The following TEX2 variants were observed in gnomAD, a reference collection of about 807,000 sequenced individuals.
TEX2 encodes testis expressed 2, also known as testis-expressed protein 2.
A neutral mutation model predicts 106.9 loss-of-function variants in TEX2; 53 were observed. The observed-to-expected ratio is 0.50, with a 90% CI of 0.40 to 0.62. The LOEUF is 0.62. Among genes scored for constraint, TEX2 ranks in the 20% least tolerant of loss-of-function variants. TEX2 has a pLI of 0.00. For synonymous variants in TEX2, 523 were observed against 534.8 expected (o/e 0.98, Z 0.30); for missense variants, 1,207 against 1,379.0 (o/e 0.88, Z 1.98).
At chr17:64,172,731 G>T (rs944604052) in intron 6 of TEX2, among the ~76,000 whole-genome samples, 3 of 152,016 alleles carry the variant, frequency 2.0e-5, no homozygotes, top group African/African-American at 7.2e-5. Context: ...TTCTCCATCT[G>T]CCCACACCTT....
intron 6 of TEX2, among the ~76,000 whole-genome samples, chr17:64,175,422 A>T (rs2031579678): frequency 6.6e-6 from 1 of 152,194 alleles, no homozygotes. Context: ...TAAGTCTGTG[A>T]ACTACCAGTG....
chr17:64,257,682 T>C (rs2034208719), intron 1 of TEX2, among the ~76,000 whole-genome samples: 1 of 152,210 alleles, frequency 6.6e-6, no homozygotes. Context: ...ATTACAGTTC[T>C]TGTGTTCAAG....
At chr17:64,211,363 T>C (rs1555631528) in intron 2 of TEX2, among the ~76,000 whole-genome samples, 1 of 152,186 alleles carries the variant, frequency 6.6e-6, no homozygotes, top group African/African-American at 2.4e-5. Flanking sequence ...TCCTGGATGG[T>C]TATGAAGCTG....
chr17:64,184,210 T>C (rs1338368967), intron 5 of TEX2, among the ~76,000 whole-genome samples: 1 of 152,158 alleles, frequency 6.6e-6, no homozygotes, highest in African/African-American at 2.4e-5. Flanking sequence ...GCAATTCTGA[T>C]TCAGCCTTCT....
chr17:64,193,944 T>C, intron 3 of TEX2, 55 bp from the exon 4 acceptor site: 1 of 1,308,358 alleles, frequency 7.6e-7, no homozygotes, highest in Non-Finnish European at 1.0e-6. Flanking sequence ...ACACTATGCA[T>C]TAATATTATG....
intron 7 of TEX2, 152 bp downstream of exon 7, chr17:64,170,948 A>G (rs1328087295): frequency 1.4e-5 from 9 of 651,842 alleles, no homozygotes; most frequent in Non-Finnish European, 2.3e-5. Context: ...AATCAGTTTT[A>G]AGGCCATGAC....
chr17:64,151,181 T>C (rs1332942852), intron 10 of TEX2, among the ~76,000 whole-genome samples: 1 of 152,212 alleles, frequency 6.6e-6, no homozygotes, highest in African/African-American at 2.4e-5. Context: ...AGAACAGTTC[T>C]GACAAACTGA....
chr17:64,164,923 T>C (rs1301533758), intron 7 of TEX2, among the ~76,000 whole-genome samples: 1 of 152,256 alleles, frequency 6.6e-6, no homozygotes, highest in Non-Finnish European at 1.5e-5. Flanking sequence ...AGCAGTTCAC[T>C]GTTTTATTAC....
chr17:64,177,530 C>T lies in TEX2; in HGVS notation c.2425-59G>A, dbSNP rs144337145. On this transcript the variant is annotated intron_variant, in intron 5 of 11. Coordinates refer to ENST00000584379, the MANE Select transcript of TEX2 (RefSeq NM_001288732.2). ...AAGCAACTGGAGAATAAGACAGGTG[C>T]TTATTTTTATAAAGTCACTGAAGGT... The T allele has an allele frequency of 3.8e-6, 6 of 1,575,778 alleles. No individual in the cohort carries two copies. The East Asian group carries it at 1.1e-4, about 29-fold the overall frequency.
intron 2 of TEX2, among the ~76,000 whole-genome samples, chr17:64,209,296 T>G (rs1329150544): frequency 2.0e-5 from 3 of 152,228 alleles, no homozygotes; most frequent in Non-Finnish European, 4.4e-5. Context: ...TGAAATTAGC[T>G]TGTAACAGAC....
intron 1 of TEX2, among the ~76,000 whole-genome samples, chr17:64,254,887 G>A (rs1467309098): frequency 5.3e-5 from 8 of 152,036 alleles, no homozygotes; most frequent in Admixed American, 5.2e-4. Context: ...TTAGATACAG[G>A]GTCTTATTCT....
At chr17:64,242,021 A>G (rs1159286245) in intron 1 of TEX2, among the ~76,000 whole-genome samples, 1 of 152,224 alleles carries the variant, frequency 6.6e-6, no homozygotes, top group Non-Finnish European at 1.5e-5. Flanking sequence ...TGTGGCAGAA[A>G]GTTAGGTTTA....
At chr17:64,262,174 G>GGCAC (rs2034299000) in intron 1 of TEX2, among the ~76,000 whole-genome samples, 2 of 152,198 alleles carry the variant, frequency 1.3e-5, no homozygotes, top group Admixed American at 1.3e-4. Flanking sequence ...ACGTGAACGT[G>GGCAC]GCACGAGCCC....
At chr17:64,191,175 G>C (rs11079531) in intron 4 of TEX2, among the ~76,000 whole-genome samples, 1 of 152,074 alleles carries the variant, frequency 6.6e-6, no homozygotes, top group Non-Finnish European at 1.5e-5. Flanking sequence ...AGTGGTGTGT[G>C]AGCCTTGCTT....
intron 5 of TEX2, among the ~76,000 whole-genome samples, chr17:64,184,407 G>A (rs1432223393): frequency 2.6e-5 from 4 of 152,068 alleles, no homozygotes; most frequent in African/African-American, 9.7e-5. Flanking sequence ...CAGCCCCGTT[G>A]CTTAATCTGG....
intron 1 of TEX2, among the ~76,000 whole-genome samples, chr17:64,219,952 A>G (rs1054119253): frequency 1.3e-5 from 2 of 152,208 alleles, no homozygotes; most frequent in African/African-American, 4.8e-5. Flanking sequence ...ATTATCCTGG[A>G]TTGCCTGGGT....
intron 1 of TEX2, chr17:64,255,863 C>T (rs2143510231): frequency 6.6e-6 from 1 of 152,288 alleles, no homozygotes. Flanking sequence ...GCTGTAAGGC[C>T]AGTAGTCTCT....
intron 6 of TEX2, 60 bp from the exon 7 acceptor site, chr17:64,171,259 G>C: frequency 7.1e-7 from 1 of 1,413,534 alleles, no homozygotes; most frequent in Non-Finnish European, 1.0e-6. Context: ...ACATGCTGTT[G>C]CAAGTCAACA....
rs61705973 is a variant in TEX2, at chr17:64,239,875, CAAAAAAAAAAAAAAAAA to C, written c.-26+23276_-26+23292del. Among the ~76,000 whole-genome samples the C allele has an allele frequency of 2.3e-3, 68 of 29,648 alleles. 1 individual carries two copies. The highest frequency in any genetic ancestry group is 0.05 in the Middle Eastern group (1 of 20). 19.5% of individuals were successfully genotyped at this position (29,648 alleles called of 152,430 possible). Reference sequence around the variant, plus strand: ...TGGACAACAGAGTGAGACTCTGTCTCAAAAAAAAAAAAAAAAAAAAAAAAAAAAAGCAGAGAAGATAA... The same window carrying C: ...TGGACAACAGAGTGAGACTCTGTCTCAAAAAAAAAAAAGCAGAGAAGATAA... On this transcript the variant is annotated intron_variant, in intron 1 of 11. Coordinates refer to ENST00000584379, the MANE Select transcript of TEX2 (RefSeq NM_001288732.2).
Sources: gnomAD v4.1 joint callset for allele counts (sites outside exome capture counted in the v4.1 genomes callset) on GRCh38, gnomAD v4.1.1 for gene constraint, MANE v1.5 for transcripts, NCBI Gene and HGNC (gene_info 2026-07-23, HGNC 2026-07-21) for gene names.